Variants in KHDRBS2 observed in about 807,000 individuals in gnomAD.
KHDRBS2 encodes the protein KH domain-containing, RNA-binding, signal transduction-associated protein 2.
In KHDRBS2, 26 loss-of-function variants were observed where a neutral mutation model predicts 44.3. That is an observed-to-expected ratio of 0.59 (90% CI 0.43 to 0.81). The LOEUF (loss-of-function observed/expected upper bound fraction) is 0.81. KHDRBS2 is among the 40% of genes least tolerant of loss of function. The pLI is 0.00. For missense variants in KHDRBS2, 476 were observed against 433.1 expected (o/e 1.10, Z -0.88); for synonymous variants, 194 against 151.1 (o/e 1.28, Z -2.08).
chr6:61,828,627 C>A (rs1259543168), intron 6 of KHDRBS2, among the ~76,000 whole-genome samples: 1 of 152,048 alleles, frequency 6.6e-6, no homozygotes, highest in Non-Finnish European at 1.5e-5. Flanking sequence ...TTTGGGTATC[C>A]CTCAGGCTGC....
intron 2 of KHDRBS2, among the ~76,000 whole-genome samples, chr6:62,064,744 C>A (rs1793090926): frequency 6.6e-6 from 1 of 152,066 alleles, no homozygotes; most frequent in South Asian, 2.1e-4. Context: ...GTCTAAAACA[C>A]CAAAAGCAAT....
chr6:61,971,858 C>CTATA (rs1771497743), intron 4 of KHDRBS2, among the ~76,000 whole-genome samples: 1 of 152,094 alleles, frequency 6.6e-6, no homozygotes, highest in South Asian at 2.1e-4. Flanking sequence ...TCAAATAAGT[C>CTATA]TTTATAATCT....
At chr6:61,685,566 C>A (rs912114370) in intron 8 of KHDRBS2, among the ~76,000 whole-genome samples, 3 of 151,844 alleles carry the variant, frequency 2.0e-5, no homozygotes, top group Non-Finnish European at 4.4e-5. Flanking sequence ...TTAACTTAGG[C>A]TGCTATTTTA....
intron 6 of KHDRBS2, among the ~76,000 whole-genome samples, chr6:61,741,144 GT>G (rs988534137): frequency 1.3e-5 from 2 of 151,528 alleles, no homozygotes; most frequent in African/African-American, 4.8e-5. Flanking sequence ...AATGTTTTTT[GT>G]TTTTTTGTTT....
At chr6:62,059,275 G>T (rs949060743) in intron 2 of KHDRBS2, among the ~76,000 whole-genome samples, 2 of 127,864 alleles carry the variant, frequency 1.6e-5, no homozygotes, top group African/African-American at 5.9e-5. Context: ...TTGAAGCTGG[G>T]TATGGAAAAA....
At chr6:61,833,759 T>C (rs1792206559) in intron 6 of KHDRBS2, among the ~76,000 whole-genome samples, 1 of 152,160 alleles carries the variant, frequency 6.6e-6, no homozygotes, top group African/African-American at 2.4e-5. Flanking sequence ...ATATTCTCTT[T>C]TGTAAAATAT....
the KHDRBS2 span, among the ~76,000 whole-genome samples, chr6:61,568,072 C>T: frequency 1.3e-5 from 2 of 152,050 alleles, no homozygotes; most frequent in African/African-American, 2.4e-5. Context: ...TCCAATTTTT[C>T]CAAGCACTAT....
intron 4 of KHDRBS2, among the ~76,000 whole-genome samples, chr6:61,906,537 TC>T (rs1416749252): frequency 2.0e-5 from 3 of 151,922 alleles, no homozygotes; most frequent in South Asian, 2.1e-4. Context: ...CATCCCAACT[TC>T]CCCCCCTCCT....
intron 2 of KHDRBS2, among the ~76,000 whole-genome samples, chr6:62,167,862 A>G (rs1431702573): frequency 6.6e-6 from 1 of 152,154 alleles, no homozygotes; most frequent in East Asian, 1.9e-4. Flanking sequence ...TAGGAGTCGT[A>G]GTTTCCACAT....
intron 3 of KHDRBS2, among the ~76,000 whole-genome samples, chr6:62,043,833 T>C (rs1374634184): frequency 2.0e-5 from 3 of 152,094 alleles, no homozygotes; most frequent in Non-Finnish European, 4.4e-5. Context: ...ACTTCGTATT[T>C]TCTTATGTAA....
intron 6 of KHDRBS2, chr6:61,816,627 C>T (rs755813062): frequency 3.5e-5 from 16 of 451,436 alleles, no homozygotes; most frequent in South Asian, 1.9e-4. Context: ...TGTGGTACTT[C>T]GTTATCACAA....
intron 7 of KHDRBS2, among the ~76,000 whole-genome samples, chr6:61,719,571 G>A (rs1281082646): frequency 1.3e-5 from 2 of 152,034 alleles, no homozygotes; most frequent in Non-Finnish European, 2.9e-5. Context: ...TCAAGTATGT[G>A]AGTTCCCCTG....
intron 3 of KHDRBS2, among the ~76,000 whole-genome samples, chr6:62,041,902 CA>C (rs1367580796): frequency 6.6e-6 from 1 of 151,812 alleles, no homozygotes; most frequent in Non-Finnish European, 1.5e-5. Context: ...TTTCTAAGGT[CA>C]CAGGCACACT....
At chr6:61,574,316 G>A in the KHDRBS2 span, 1 of 1,524,660 alleles carries the variant, frequency 6.6e-7, no homozygotes, top group South Asian at 1.2e-5. Context: ...CCTTAAATAG[G>A]GACTTGTATG....
the KHDRBS2 span, among the ~76,000 whole-genome samples, chr6:61,572,353 C>T: frequency 1.3e-5 from 2 of 152,018 alleles, no homozygotes; most frequent in Non-Finnish European, 2.9e-5. Context: ...AATAAAAGTT[C>T]AGGACCAGAT....
chr6:61,999,790 A>G lies in KHDRBS2; in HGVS notation c.337-21578T>C, dbSNP rs1288547455. Among the ~76,000 whole-genome samples, 8 of 152,188 alleles carry G rather than the reference A, an allele frequency of 5.3e-5. No homozygotes were observed. The East Asian group carries it at 1.3e-3, about 26-fold the overall frequency. ...TCTTTTATAGTTTTTTCTTCCATCA[A>G]ACTCACTGTAATGAGTTTGAGTTTT... On this transcript the variant is annotated intron_variant, in intron 3 of 8. Transcript: ENST00000281156.
rs60399147 is a variant in KHDRBS2 at position 61,818,266 on chromosome 6, T to TAAAAAAAAAAAAA, written c.810+76356_810+76368dup. 2.6e-3 allele frequency among the ~76,000 whole-genome samples: 300 copies of TAAAAAAAAAAAAA among 114,332 alleles called. 9 individuals carry two copies. Among genetic ancestry groups the TAAAAAAAAAAAAA allele is most frequent in the African/African-American group, 9.2e-3 (291 of 31,766 alleles). The allele number at this position is 114,332 out of a possible 152,430, so 75.0% of individuals were successfully genotyped here. A position where few individuals can be genotyped will look rare whatever the true frequency, so the allele number is the denominator to read the frequency against. ...ATTGGGCAGAGAAAACCTCTGTAAG[T>TAAAAAAAAAAAAA]AAAAAAAAAAAAAAAAAGGATAGTA... On this transcript the variant is annotated intron_variant, in intron 6 of 8. Transcript: ENST00000281156.
chr6:62,248,179 T>C (rs1209483011), intron 1 of KHDRBS2, among the ~76,000 whole-genome samples: 2 of 151,730 alleles, frequency 1.3e-5, no homozygotes, highest in Non-Finnish European at 2.9e-5. Flanking sequence ...TAGCTTTCAA[T>C]ACCTCTATAA....
At chr6:61,692,505 T>C (rs1767480794) in intron 8 of KHDRBS2, among the ~76,000 whole-genome samples, 1 of 152,026 alleles carries the variant, frequency 6.6e-6, no homozygotes, top group African/African-American at 2.4e-5. Flanking sequence ...GCAAAGATCC[T>C]GAATAATTTA....
Sources: gnomAD v4.1 joint callset for allele counts (sites outside exome capture counted in the v4.1 genomes callset) on GRCh38, gnomAD v4.1.1 for gene constraint, MANE v1.5 for transcripts, NCBI Gene and HGNC (gene_info 2026-07-23, HGNC 2026-07-21) for gene names.